The following AK2 variants were observed in gnomAD, a reference collection of about 807,000 sequenced individuals.
AK2 encodes the protein adenylate kinase 2, also known as adenylate kinase 2, mitochondrial.
A neutral mutation model predicts 24.6 loss-of-function variants in AK2; 15 were observed. The ratio of observed to expected loss-of-function variants is 0.61; its 90% CI spans 0.41 to 0.94. AK2 has a LOEUF of 0.94. Ranked by LOEUF, AK2 falls within the 40% of genes least tolerant of loss-of-function variation. The pLI is 0.00. For missense variants in AK2, 257 were observed against 304.1 expected, an observed-to-expected ratio of 0.85 and a Z score of 1.15; for synonymous variants, 102 against 114.0, an observed-to-expected ratio of 0.90 and a Z score of 0.67.
At chr1:33,021,892 T>C (rs1028060275) in intron 2 of AK2, among the ~76,000 whole-genome samples, 189 bp from the exon 3 acceptor site, 6 of 152,134 alleles carry the variant, frequency 3.9e-5, no homozygotes, top group African/African-American at 1.4e-4. Context: ...GTTTCATAAT[T>C]TTATCTCTGT....
Position 33,011,258 on chromosome 1 carries a change from T to C in AK2, c.*1923A>G, listed in dbSNP as rs1266313110. On this transcript the variant is annotated 3_prime_UTR_variant, in exon 6 of 6. Transcript: ENST00000672715. Reference sequence around the variant, plus strand: ...GATTCTAAGATTCATGATGCCACTGTCACCCAGAGAAGGATCCCAGACCAG... The same window carrying C: ...GATTCTAAGATTCATGATGCCACTGCCACCCAGAGAAGGATCCCAGACCAG... The C allele has an allele frequency of 3.9e-6, 5 of 1,298,206 alleles. No individual in the cohort carries two copies. The African/African-American group carries it at 7.5e-5, about 20-fold the overall frequency. The allele number at this position is 1,298,206 out of a possible 1,614,324, so 80.4% of individuals were successfully genotyped here.
intron 2 of AK2, 38 bp from the exon 3 acceptor site, chr1:33,021,741 C>T (rs1394764009): frequency 1.3e-6 from 2 of 1,518,160 alleles, no homozygotes; most frequent in South Asian, 1.1e-5. Flanking sequence ...GGTTTAAATC[C>T]ATTACCTAGG....
Position 33,012,884 on chromosome 1 carries a change from C to G in AK2, c.*297G>C, listed in dbSNP as rs995782441. 5 of 1,336,818 alleles carry G rather than the reference C, an allele frequency of 3.7e-6. No individual in the cohort carries two copies. The highest frequency in any genetic ancestry group is 4.9e-6 in the Non-Finnish European group (5 of 1,021,556). The allele number at this position is 1,336,818 out of a possible 1,614,324, so 82.8% of individuals were successfully genotyped here. ...CTGCACTCCAGCCAGGGTGGCAGAGCGAAACCTTGTCTCAAAACAACAACA... is the reference window on the plus strand; with the variant it reads ...CTGCACTCCAGCCAGGGTGGCAGAGGGAAACCTTGTCTCAAAACAACAACA... On this transcript the variant is annotated 3_prime_UTR_variant, in exon 6 of 6. Coordinates refer to ENST00000672715, the MANE Select transcript of AK2 (RefSeq NM_001625.4).
chr1:33,024,322 C>A, intron 2 of AK2, 120 bp downstream of exon 2: 3 of 1,384,462 alleles, frequency 2.2e-6, no homozygotes, highest in African/African-American at 1.4e-5. Context: ...AACTGAGGAA[C>A]TGATTTTTAC....
rs987764285 is a variant in AK2 at position 33,014,582 on chromosome 1, G to A, written c.438C>T (p.Pro146=). Residue 146 remains proline (P), a synonymous_variant, in exon 5 of 6, where the codon CCC becomes CCT. Transcript: ENST00000672715. ...IRRITGRLIH[P]KSGRSYHEEF... The stretch of plus-strand genomic sequence containing the variant: ...CCTCGTGGTAGGAACGGCCACTCTT[G>A]GGGTGAATCAGCCTGAAAGACAGCA... 5 of 1,611,474 alleles carry A rather than the reference G, an allele frequency of 3.1e-6. No homozygotes were observed. The African/African-American group carries it at 6.7e-5, about 22-fold the overall frequency.
intron 2 of AK2, 112 bp downstream of exon 2, chr1:33,024,330 T>C: frequency 2.1e-6 from 3 of 1,450,682 alleles, no homozygotes; most frequent in Non-Finnish European, 9.6e-7. Flanking sequence ...AACTGATTTT[T>C]ACATTAATTA....
intron 1 of AK2, chr1:33,032,080 A>C (rs1001097005): frequency 5.9e-6 from 1 of 169,732 alleles, no homozygotes; most frequent in Non-Finnish European, 1.3e-5. Flanking sequence ...CAGGTATAAC[A>C]AAGTATAGCA....
At chr1:33,017,776 A>T (rs1639285154) in intron 4 of AK2, among the ~76,000 whole-genome samples, 1 of 152,010 alleles carries the variant, frequency 6.6e-6, no homozygotes, top group Non-Finnish European at 1.5e-5. Context: ...TTTTTTTGAG[A>T]TAGGGTTTTG....
intron 1 of AK2, among the ~76,000 whole-genome samples, chr1:33,030,429 C>T (rs1267922826): frequency 6.6e-6 from 1 of 151,896 alleles, no homozygotes; most frequent in Non-Finnish European, 1.5e-5. Context: ...GTGGCAGGTA[C>T]TTATAGTCCA....
intron 1 of AK2, among the ~76,000 whole-genome samples, chr1:33,035,810 A>G (rs1284184902): frequency 6.6e-6 from 1 of 152,082 alleles, no homozygotes; most frequent in Non-Finnish European, 1.5e-5. Context: ...TCATTTCACT[A>G]ATTTGGGAAA....
rs1252456738 is a variant in AK2 at position 33,008,285 on chromosome 1, C to G, written c.*4896G>C. 4 of 453,864 alleles carry G rather than the reference C, an allele frequency of 8.8e-6. No individual in the cohort carries two copies. Among genetic ancestry groups the G allele is most frequent in the Non-Finnish European group, 1.8e-5 (4 of 226,738 alleles). The allele number at this position is 453,864 out of a possible 1,614,324, so 28.1% of individuals were successfully genotyped here. ...TACTGATGAGGTGAGATAACTTGTC[C>G]AAGGTCGCATGGTGAAGTCGCTGTT... On this transcript the variant is annotated 3_prime_UTR_variant, in exon 6 of 6. Coordinates refer to ENST00000672715, the MANE Select transcript of AK2 (RefSeq NM_001625.4).
chr1:33,010,004 T>C lies in AK2; in HGVS notation c.*3177A>G, dbSNP rs1172223474. ...AAGAAAGGCACCTCATTGAAAATAA[T>C]ACATCACAGTGCTGTTGAGTGATCC... On this transcript the variant is annotated 3_prime_UTR_variant, in exon 6 of 6. Coordinates refer to ENST00000672715, the MANE Select transcript of AK2 (RefSeq NM_001625.4). 4.4e-6 allele frequency: 2 copies of C among 454,634 alleles called. No individual in the cohort carries two copies. Among genetic ancestry groups the C allele is most frequent in the Admixed American group, 4.7e-5 (2 of 42,588 alleles). 28.2% of individuals were successfully genotyped at this position (454,634 alleles called of 1,614,324 possible). A position where few individuals can be genotyped will look rare whatever the true frequency, so the allele number is the denominator to read the frequency against.
intron 4 of AK2, among the ~76,000 whole-genome samples, chr1:33,021,075 A>C (rs906119113): frequency 1.4e-5 from 2 of 143,200 alleles, no homozygotes; most frequent in East Asian, 4.3e-4. Context: ...GAACCCAGGA[A>C]GTGGAGGTTG....
intron 1 of AK2, among the ~76,000 whole-genome samples, chr1:33,035,151 T>G (rs1340762721): frequency 6.6e-6 from 1 of 151,996 alleles, no homozygotes; most frequent in Admixed American, 6.6e-5. Flanking sequence ...AATAAATGAG[T>G]GTGGCAGCAA....
In AK2 at chr1:33,021,434, C is replaced by T. The variant is rs61800918; in HGVS notation, c.358G>A (p.Glu120Lys). The change falls in exon 4 of 6, where the codon GAG becomes AAG. Residue 120 changes from glutamate (E) to lysine (K), a missense_variant. Glu to Lys is a moderately conservative substitution (Grantham distance 56). Coordinates refer to ENST00000672715, the MANE Select transcript of AK2 (RefSeq NM_001625.4). ...MLDDLMEKRK[E>K]KLDSVIEFSI... ...AATTCAATCACAGAATCAAGCTTCT[C>T]TTTCCTCTTCTCCATGAGGTCATCG... 3 of 1,614,194 alleles carry T rather than the reference C, an allele frequency of 1.9e-6. No homozygotes were observed. Among genetic ancestry groups the T allele is most frequent in the Non-Finnish European group, 2.5e-6 (3 of 1,180,028 alleles).
rs899693736 is a variant in AK2, at chr1:33,014,274, T to C, written c.498+248A>G. 1.0e-5 allele frequency: 4 copies of C among 392,052 alleles called. No individual in the cohort carries two copies. In the East Asian group the frequency reaches 2.5e-4, roughly 25 times the overall value. 24.3% of individuals were successfully genotyped at this position (392,052 alleles called of 1,614,324 possible). ...GGGGCTGCTCTTGACAGAAGACAGG[T>C]ACAATCTGGGCACTGCAAAAAGCTA... On this transcript the variant is annotated intron_variant, in intron 5 of 5. Coordinates refer to ENST00000672715, the MANE Select transcript of AK2 (RefSeq NM_001625.4).
At chr1:33,025,773 A>G (rs141805375) in intron 1 of AK2, among the ~76,000 whole-genome samples, 17 of 152,344 alleles carry the variant, frequency 1.1e-4, no homozygotes, top group African/African-American at 4.1e-4. Context: ...TGGGTTGATG[A>G]GAAGATTATA....
Position 33,011,583 on chromosome 1 carries a change from C to T in AK2, c.*1598G>A. Reference sequence around the variant, plus strand: ...AGGAGGCTGGGCACTTTAGAGTCCACTGAATCGAGTCAGCAGCAGATTATG... The same window carrying T: ...AGGAGGCTGGGCACTTTAGAGTCCATTGAATCGAGTCAGCAGCAGATTATG... On this transcript the variant is annotated 3_prime_UTR_variant, in exon 6 of 6. Coordinates refer to ENST00000672715, the MANE Select transcript of AK2 (RefSeq NM_001625.4). The T allele has an allele frequency of 3.1e-6, 4 of 1,287,906 alleles. No individual in the cohort carries two copies. The highest frequency in any genetic ancestry group is 4.0e-6 in the Non-Finnish European group (4 of 989,206). 79.8% of individuals were successfully genotyped at this position (1,287,906 alleles called of 1,614,324 possible).
Position 33,011,759 on chromosome 1 carries a change from G to C in AK2, c.*1422C>G. On this transcript the variant is annotated 3_prime_UTR_variant, in exon 6 of 6. Transcript: ENST00000672715. ...AGACCAAAAGACAGCAGGGACCTTA[G>C]AAAATGCTCAATAGTTGGGAAGCTA... is the stretch of plus-strand genomic sequence containing the variant. The C allele has an allele frequency of 7.1e-7, 1 of 1,400,510 alleles. No homozygotes were observed. The allele number at this position is 1,400,510 out of a possible 1,614,324, so 86.8% of individuals were successfully genotyped here.
Sources: allele counts gnomAD v4.1 joint callset (sites outside exome capture counted in the v4.1 genomes callset), GRCh38; gene constraint gnomAD v4.1.1; transcripts MANE v1.5; gene names NCBI Gene and HGNC (gene_info 2026-07-23, HGNC 2026-07-21).